Variants in TPO observed in about 807,000 individuals in gnomAD.
TPO encodes thyroid peroxidase.
TPO carries 78 observed loss-of-function variants against 96.9 expected under a neutral mutation model. The observed-to-expected ratio is 0.81, with a 90% CI of 0.67 to 0.97. The LOEUF is 0.97. TPO is among the 50% of genes least tolerant of loss of function. TPO has a pLI of 0.00. For synonymous variants in TPO, 547 were observed against 538.0 expected, an observed-to-expected ratio of 1.02 and a Z score of -0.23; for missense variants, 1,252 against 1,274.8, an observed-to-expected ratio of 0.98 and a Z score of 0.27.
At chr2:1,391,623 A>G (rs542267172) in intron 1 of TPO, among the ~76,000 whole-genome samples, 3 of 152,238 alleles carry the variant, frequency 2.0e-5, no homozygotes, top group African/African-American at 7.2e-5. Context: ...CCATTTTCAC[A>G]ATATTGATTC....
chr2:1,468,471 G>C (rs1218271873), intron 7 of TPO, among the ~76,000 whole-genome samples: 1 of 152,136 alleles, frequency 6.6e-6, no homozygotes, highest in Non-Finnish European at 1.5e-5. Flanking sequence ...ATGAAGCTTA[G>C]CTTTGCTGGA....
rs1558264301 is a variant in TPO at position 1,422,344 on chromosome 2, C to CCTCGTGCAGCCGCCTCTCCTGGACA, written c.95-701_95-700insCTCGTGCAGCCGCCTCTCCTGGACA. Among the ~76,000 whole-genome samples the CCTCGTGCAGCCGCCTCTCCTGGACA allele has an allele frequency of 4.8e-4, 37 of 77,600 alleles. 1 individual carries two copies. Among genetic ancestry groups the CCTCGTGCAGCCGCCTCTCCTGGACA allele is most frequent in the Non-Finnish European group, 6.0e-4 (20 of 33,582 alleles). 50.9% of individuals were successfully genotyped at this position (77,600 alleles called of 152,430 possible). On this transcript the variant is annotated intron_variant, in intron 2 of 16. Coordinates refer to ENST00000329066, the MANE Select transcript of TPO (RefSeq NM_001206744.2). ...CCTCGTGCAGGCGCCTCTCCTGGAC[C>CCTCGTGCAGCCGCCTCTCCTGGACA]GACCTCGTGCAGGCGCCGCGCTGGA...
intron 10 of TPO, among the ~76,000 whole-genome samples, chr2:1,493,209 T>TGGGGG (rs3036079): frequency 7.7e-3 from 135 of 17,458 alleles, no homozygotes; most frequent in South Asian, 0.015. Context: ...TGTGAGTGGG[T>TGGGGG]GGGGGGGGGG....
chr2:1,503,891 C>T lies in TPO; in HGVS notation c.2387-57C>T, dbSNP rs1370957831. 3.5e-5 allele frequency: 56 copies of T among 1,613,600 alleles called. 1 individual carries two copies. The highest frequency in any genetic ancestry group is 3.1e-4 in the East Asian group (14 of 44,872). On this transcript the variant is annotated intron_variant, in intron 13 of 16. Coordinates refer to ENST00000329066, the MANE Select transcript of TPO (RefSeq NM_001206744.2). ...CACCTCCCAGAACGGGGGTCGCTCGCGGGAGATGGGGGTGCAGCCGCTTCC... is the reference window on the plus strand; with the variant it reads ...CACCTCCCAGAACGGGGGTCGCTCGTGGGAGATGGGGGTGCAGCCGCTTCC...
chr2:1,541,163 C>T (rs1431635537), intron 16 of TPO: 23 of 1,175,928 alleles, frequency 2.0e-5, no homozygotes, highest in Admixed American at 3.7e-5. Context: ...GAGGCCATAT[C>T]AAAAACTCAC....
Position 1,380,191 on chromosome 2 carries a change from A to G in TPO, n.180+5789A>G, listed in dbSNP as rs185680299. 9.6e-3 allele frequency among the ~76,000 whole-genome samples: 1,460 copies of G among 152,186 alleles called. 7 individuals carry two copies. Among genetic ancestry groups the G allele is most frequent in the South Asian group, 0.022 (104 of 4,828 alleles). Reference sequence around the variant, plus strand: ...GGGCGGATCATGAGGTCAGGAGATCAAGACCATCCTGGCTAATACGGTGAA... The same window carrying G: ...GGGCGGATCATGAGGTCAGGAGATCGAGACCATCCTGGCTAATACGGTGAA... On this transcript the variant is annotated intron_variant and non_coding_transcript_variant, in intron 1 of 5. Transcript: ENST00000497517.
At chr2:1,461,916 G>A (rs1220469782) in intron 7 of TPO, among the ~76,000 whole-genome samples, 2 of 152,200 alleles carry the variant, frequency 1.3e-5, no homozygotes, top group Non-Finnish European at 2.9e-5. Context: ...CCCCGCAGAG[G>A]TTCCGGGGGG....
chr2:1,507,859 A>G (rs1391660741), intron 14 of TPO, among the ~76,000 whole-genome samples: 2 of 152,100 alleles, frequency 1.3e-5, no homozygotes, highest in Non-Finnish European at 2.9e-5. Flanking sequence ...CTCTTTTCCT[A>G]ATTGAATACC....
At chr2:1,519,288 G>A (rs1274510492) in intron 15 of TPO, among the ~76,000 whole-genome samples, 1 of 152,220 alleles carries the variant, frequency 6.6e-6, no homozygotes, top group Non-Finnish European at 1.5e-5. Context: ...GGTGGAGCGA[G>A]AGCCTGTTAC....
intron 15 of TPO, among the ~76,000 whole-genome samples, chr2:1,530,938 TCCC>T (rs1388532230): frequency 1.7e-4 from 6 of 35,476 alleles, no homozygotes; most frequent in South Asian, 1.1e-3. Flanking sequence ...CCTCCCCAAA[TCCC>T]CCCACTATGT....
chr2:1,443,774 T>G (rs375611308), intron 5 of TPO, among the ~76,000 whole-genome samples: 1 of 28,082 alleles, frequency 3.6e-5, no homozygotes, highest in African/African-American at 9.0e-5. Flanking sequence ...TGGGGCAGGC[T>G]CCTTCTTGTT....
chr2:1,381,823 G>C (rs1275780686), intron 1 of TPO, among the ~76,000 whole-genome samples: 2 of 152,162 alleles, frequency 1.3e-5, no homozygotes, highest in Admixed American at 6.5e-5. Context: ...TCTAAGTGAT[G>C]TGGAACTGAG....
intron 14 of TPO, among the ~76,000 whole-genome samples, chr2:1,514,072 G>A (rs1674436497): frequency 6.6e-6 from 1 of 152,164 alleles, no homozygotes; most frequent in African/African-American, 2.4e-5. Context: ...AGGCTGAGGA[G>A]TCCCAGGATC....
At chr2:1,386,612 T>C (rs1039220796) in intron 1 of TPO, among the ~76,000 whole-genome samples, 2 of 152,144 alleles carry the variant, frequency 1.3e-5, no homozygotes, top group East Asian at 1.9e-4. Context: ...TGTCTCTGCA[T>C]GTGAGATGGG....
intron 1 of TPO, among the ~76,000 whole-genome samples, chr2:1,388,093 G>A (rs963629479): frequency 5.9e-5 from 9 of 152,160 alleles, no homozygotes; most frequent in Non-Finnish European, 1.2e-4. Flanking sequence ...AGGGGTACCC[G>A]GCTGTGTGAG....
Position 1,458,344 on chromosome 2 carries a change from A to G in TPO, c.819+2062A>G, listed in dbSNP as rs535858209. On this transcript the variant is annotated intron_variant, in intron 7 of 16. Transcript: ENST00000329066. ...TAAGATAATATGCGGACATGTGTGT[A>G]TATAGTATATAAGACAGTTTGTGGG... Among the ~76,000 whole-genome samples the G allele has an allele frequency of 1.2e-4, 18 of 152,032 alleles. No homozygotes were observed. In the South Asian group the frequency reaches 3.7e-3, roughly 32 times the overall value.
At chr2:1,505,656 C>T (rs1673367648) in intron 14 of TPO, among the ~76,000 whole-genome samples, 1 of 151,980 alleles carries the variant, frequency 6.6e-6, no homozygotes, top group African/African-American at 2.4e-5. Context: ...GAAGAACATG[C>T]AGGTTTGTTA....
chr2:1,527,066 C>T (rs1235413422), intron 15 of TPO, among the ~76,000 whole-genome samples: 1 of 137,604 alleles, frequency 7.3e-6, no homozygotes, highest in Non-Finnish European at 1.5e-5. Context: ...CCTCAAATCC[C>T]CTCACTGTGT....
At chr2:1,485,906 T>G (rs139426444) in intron 9 of TPO, among the ~76,000 whole-genome samples, 29 of 152,348 alleles carry the variant, frequency 1.9e-4, no homozygotes, top group African/African-American at 6.3e-4. Context: ...ACTCTTTAAT[T>G]AGATCTCATT....
Sources: allele counts gnomAD v4.1 joint callset (sites outside exome capture counted in the v4.1 genomes callset), GRCh38; gene constraint gnomAD v4.1.1; transcripts MANE v1.5; gene names NCBI Gene and HGNC (gene_info 2026-07-23, HGNC 2026-07-21).